CNOT6: variants seen among roughly 807,000 people sequenced by gnomAD.
The protein encoded by CNOT6 is carbon catabolite repression 4 protein.
In CNOT6, 12 loss-of-function variants were observed where a neutral mutation model predicts 61.2. That is an observed-to-expected ratio of 0.20 (90% CI 0.13 to 0.32). CNOT6 has a LOEUF of 0.32. CNOT6 is among the 10% of genes least tolerant of loss of function. The probability of loss-of-function intolerance (pLI) is 1.00; values close to 1 mark genes in which losing one functional copy is unlikely to be tolerated. For synonymous variants in CNOT6, 225 were observed against 240.6 expected (o/e 0.94, Z 0.60); for missense variants, 405 against 663.9 (o/e 0.61, Z 4.28).
chr5:180,567,815 CTGTGTGTG>C (rs146190811), intron 8 of CNOT6, 26 bp from the exon 9 acceptor site: 1 of 1,123,700 alleles, frequency 8.9e-7, no homozygotes, highest in Admixed American at 2.3e-5. Flanking sequence ...ATTCCCAACT[CTGTGTGTG>C]TGTGTGTGTG....
chr5:180,557,895 T>C (rs1759977348), intron 4 of CNOT6, among the ~76,000 whole-genome samples: 1 of 148,568 alleles, frequency 6.7e-6, no homozygotes, highest in Admixed American at 6.7e-5. Context: ...GAGGATTAGC[T>C]CAAGGTTCTT....
intron 3 of CNOT6, among the ~76,000 whole-genome samples, chr5:180,552,496 A>T (rs1211678623): frequency 1.3e-5 from 2 of 151,706 alleles, no homozygotes; most frequent in African/African-American, 4.8e-5. Flanking sequence ...AAAAAAAAAA[A>T]TTAGCTGGGT....
At chr5:180,531,852 C>T (rs1038101511) in intron 2 of CNOT6, among the ~76,000 whole-genome samples, 7 of 152,326 alleles carry the variant, frequency 4.6e-5, no homozygotes, top group South Asian at 2.1e-4. Flanking sequence ...GGCGTGGCGG[C>T]GCGTGCCTGC....
At chr5:180,500,303 G>C (rs35490561) in intron 1 of CNOT6, among the ~76,000 whole-genome samples, 37,891 of 151,760 alleles carry the variant, frequency 0.25, 5,798 homozygotes, top group Middle Eastern at 0.4. Context: ...GTAGAGATGA[G>C]GTCTCTCTAC....
At chr5:180,561,096 A>C (rs1052807637) in intron 4 of CNOT6, among the ~76,000 whole-genome samples, 1 of 152,078 alleles carries the variant, frequency 6.6e-6, no homozygotes, top group Non-Finnish European at 1.5e-5. Flanking sequence ...GACCACAGGC[A>C]TGTGCCACCA....
In CNOT6 at chr5:180,574,960, A is replaced by G. The variant is rs1760941950; in HGVS notation, c.*760A>G. The G allele has an allele frequency of 6.5e-6, 1 of 152,776 alleles. No homozygotes were observed. The highest frequency in any genetic ancestry group is 2.1e-4 in the South Asian group (1 of 4,834). 9.5% of individuals were successfully genotyped at this position (152,776 alleles called of 1,614,324 possible). A position where few individuals can be genotyped will look rare whatever the true frequency, so the allele number is the denominator to read the frequency against. ...TCATGAATTTTTATGAAAACTATCT[A>G]CTAGGACAGATAAGCTGAACAGTGA... On this transcript the variant is annotated 3_prime_UTR_variant, in exon 12 of 12. Transcript: ENST00000261951.
chr5:180,571,710 C>T (rs1181745968), intron 11 of CNOT6, among the ~76,000 whole-genome samples: 1 of 152,070 alleles, frequency 6.6e-6, no homozygotes, highest in African/African-American at 2.4e-5. Context: ...GGACTACAGG[C>T]GCCTACTACC....
At chr5:180,566,719 G>C (rs7701315) in intron 7 of CNOT6, among the ~76,000 whole-genome samples, 24,884 of 145,042 alleles carry the variant, frequency 0.17, 2,211 homozygotes, top group Non-Finnish European at 0.19. Context: ...GAATGCAGTG[G>C]CATGATCTCA....
intron 4 of CNOT6, among the ~76,000 whole-genome samples, chr5:180,563,343 G>GT (rs1195850132): frequency 6.6e-6 from 1 of 151,856 alleles, no homozygotes; most frequent in Non-Finnish European, 1.5e-5. Flanking sequence ...AGCCTCCTGA[G>GT]TAGCTGGACT....
At chr5:180,513,137 T>TCCACCCG in intron 1 of CNOT6, among the ~76,000 whole-genome samples, 2 of 147,440 alleles carry the variant, frequency 1.4e-5, no homozygotes, top group South Asian at 4.4e-4. Flanking sequence ...GACCTCGTGA[T>TCCACCCG]CCACCCGCCT....
At chr5:180,567,802 G>C in intron 8 of CNOT6, 47 bp from the exon 9 acceptor site, 1 of 1,612,354 alleles carries the variant, frequency 6.2e-7, no homozygotes, top group Non-Finnish European at 8.5e-7. Context: ...CTAACCTCTT[G>C]GTATTCCCAA....
intron 4 of CNOT6, among the ~76,000 whole-genome samples, chr5:180,563,359 C>T (rs891425483): frequency 5.3e-5 from 8 of 151,820 alleles, no homozygotes; most frequent in Middle Eastern, 3.4e-3. Context: ...GGACTACAGG[C>T]GCCCGCCACC....
At position 180,564,635 on chromosome 5, in the gene CNOT6, G is replaced by A. The variant is rs750745539; in HGVS notation, c.491-40G>A. 8.7e-6 allele frequency: 14 copies of A among 1,606,692 alleles called. No homozygotes were observed. In the Admixed American group the frequency reaches 2.0e-4, roughly 23 times the overall value. ...TTAAACCTTTTTATTAGGAAGACGT[G>A]TAAGAATATTGCTTAATTCTGTATT... On this transcript the variant is annotated intron_variant, in intron 5 of 11. Coordinates refer to ENST00000261951, the MANE Select transcript of CNOT6 (RefSeq NM_001370472.1).
chr5:180,550,265 C>A (rs1759528824), intron 3 of CNOT6, 148 bp downstream of exon 3: 1 of 571,938 alleles, frequency 1.7e-6, no homozygotes, highest in Non-Finnish European at 3.0e-6. Context: ...TTCTGGCCAA[C>A]ATGGTGAAAC....
intron 4 of CNOT6, among the ~76,000 whole-genome samples, chr5:180,562,564 C>A (rs1354547394): frequency 2.0e-5 from 3 of 151,924 alleles, no homozygotes; most frequent in Non-Finnish European, 2.9e-5. Context: ...TGCGGTGAAA[C>A]CCTGTCTCTA....
chr5:180,523,417 T>G (rs1757960735), intron 1 of CNOT6, among the ~76,000 whole-genome samples: 1 of 151,594 alleles, frequency 6.6e-6, no homozygotes, highest in South Asian at 2.1e-4. Context: ...CAAATCCTTT[T>G]CCCAGGGGCA....
chr5:180,508,930 C>T (rs1047956361), intron 1 of CNOT6, among the ~76,000 whole-genome samples: 2 of 151,576 alleles, frequency 1.3e-5, no homozygotes, highest in Non-Finnish European at 2.9e-5. Flanking sequence ...TCAAGCAGTT[C>T]TCCTGCCTCA....
rs187953090 is a variant in CNOT6 at position 180,536,379 on chromosome 5, A to G, written c.112+6991A>G. On this transcript the variant is annotated intron_variant, in intron 2 of 11. Coordinates refer to ENST00000261951, the MANE Select transcript of CNOT6 (RefSeq NM_001370472.1). ...CTTTGTCAGATGTGTAGTTGCCAAT[A>G]TTTTCTCTCATTCTGTAGTGTTAAT... 2.5e-3 allele frequency among the ~76,000 whole-genome samples: 381 copies of G among 151,348 alleles called. 2 individuals carry two copies. The highest frequency in any genetic ancestry group is 2.7e-3 in the Non-Finnish European group (181 of 67,824).
At chr5:180,572,379 G>A (rs867128423) in intron 11 of CNOT6, among the ~76,000 whole-genome samples, 3 of 152,054 alleles carry the variant, frequency 2.0e-5, no homozygotes, top group African/African-American at 7.2e-5. Context: ...TGGTAGAGAC[G>A]GAGTTTCACC....
Sources: allele counts gnomAD v4.1 joint callset (sites outside exome capture counted in the v4.1 genomes callset), GRCh38; gene constraint gnomAD v4.1.1; transcripts MANE v1.5; gene names NCBI Gene and HGNC (gene_info 2026-07-23, HGNC 2026-07-21).